Variants in KCNIP1 observed in about 807,000 individuals in gnomAD.
The protein encoded by KCNIP1 is potassium voltage-gated channel interacting protein 1, also known as A-type potassium channel modulatory protein KCNIP1.
In KCNIP1, 18 loss-of-function variants were observed where a neutral mutation model predicts 33.0. That is an observed-to-expected ratio of 0.55 (90% CI 0.38 to 0.81). The LOEUF (loss-of-function observed/expected upper bound fraction) is 0.81, where lower values mean the gene tolerates loss of function less well. Among genes scored for constraint, KCNIP1 ranks in the 30% least tolerant of loss-of-function variants. The probability of loss-of-function intolerance (pLI) is 0.00; values close to 1 mark genes in which losing one functional copy is unlikely to be tolerated. For missense variants in KCNIP1, 238 were observed against 271.6 expected (o/e 0.88, Z 0.87); for synonymous variants, 93 against 98.3 (o/e 0.95, Z 0.32).
chr5:170,433,830 A>G (rs764571837), intron 1 of KCNIP1, among the ~76,000 whole-genome samples: 11 of 152,212 alleles, frequency 7.2e-5, no homozygotes, highest in Admixed American at 3.3e-4. Context: ...GTTGAGGCTC[A>G]GAACAAGGCA....
intron 5 of KCNIP1, among the ~76,000 whole-genome samples, chr5:170,731,383 G>A (rs1331015444): frequency 2.0e-5 from 3 of 152,164 alleles, no homozygotes; most frequent in Non-Finnish European, 4.4e-5. Flanking sequence ...CATATCAAAA[G>A]TGTGAGGTCC....
chr5:170,593,433 ATT>A (rs1758335429), intron 1 of KCNIP1, among the ~76,000 whole-genome samples: 4 of 152,182 alleles, frequency 2.6e-5, no homozygotes, highest in Non-Finnish European at 5.9e-5. Flanking sequence ...AGAGGGGAGC[ATT>A]TGTAATTTAC....
intron 1 of KCNIP1, among the ~76,000 whole-genome samples, chr5:170,697,097 A>G (rs1313150045): frequency 6.6e-6 from 1 of 151,102 alleles, no homozygotes; most frequent in Non-Finnish European, 1.5e-5. Context: ...ACACACACAT[A>G]CACACACACT....
intron 1 of KCNIP1, among the ~76,000 whole-genome samples, chr5:170,379,161 T>A (rs1222697774): frequency 6.6e-6 from 1 of 152,150 alleles, no homozygotes; most frequent in African/African-American, 2.4e-5. Flanking sequence ...TTGTGTCTTG[T>A]GTGTGGATGG....
intron 1 of KCNIP1, among the ~76,000 whole-genome samples, chr5:170,444,649 A>G (rs1040148151): frequency 6.6e-6 from 1 of 151,728 alleles, no homozygotes; most frequent in Admixed American, 6.6e-5. Context: ...AATTTGTTGA[A>G]TTCTGAATAA....
At chr5:170,406,407 G>A (rs149276037) in intron 1 of KCNIP1, among the ~76,000 whole-genome samples, 1 of 152,324 alleles carries the variant, frequency 6.6e-6, no homozygotes, top group Non-Finnish European at 1.5e-5. Flanking sequence ...TCGTGTAAAT[G>A]TGGCCAAGTT....
intron 1 of KCNIP1, among the ~76,000 whole-genome samples, chr5:170,545,458 G>T (rs117970177): frequency 2.0e-5 from 3 of 151,962 alleles, no homozygotes; most frequent in African/African-American, 7.3e-5. Flanking sequence ...TCCAAATTTT[G>T]CTTCTGCCCA....
At chr5:170,563,003 G>A (rs1175869759) in intron 1 of KCNIP1, among the ~76,000 whole-genome samples, 1 of 152,152 alleles carries the variant, frequency 6.6e-6, no homozygotes, top group Non-Finnish European at 1.5e-5. Context: ...GTAGCAAGAG[G>A]CATTTCTCCT....
chr5:170,477,470 T>G (rs1352068111), intron 1 of KCNIP1, among the ~76,000 whole-genome samples: 1 of 152,164 alleles, frequency 6.6e-6, no homozygotes, highest in Non-Finnish European at 1.5e-5. Context: ...AGAGTCTCGT[T>G]CTGTAGCCCA....
intron 1 of KCNIP1, among the ~76,000 whole-genome samples, chr5:170,624,911 T>G (rs1759765354): frequency 6.6e-6 from 1 of 152,156 alleles, no homozygotes; most frequent in Non-Finnish European, 1.5e-5. Flanking sequence ...TTGGTGACTT[T>G]CTGTTGGCCA....
At chr5:170,722,971 G>C (rs112973301) in intron 5 of KCNIP1, 151 bp downstream of exon 5, 12 of 599,292 alleles carry the variant, frequency 2.0e-5, no homozygotes, top group African/African-American at 9.4e-5. Context: ...AATAAAGAAG[G>C]CCTCCCTCAT....
intron 1 of KCNIP1, among the ~76,000 whole-genome samples, chr5:170,588,506 C>T (rs923765633): frequency 9.2e-5 from 14 of 152,168 alleles, no homozygotes; most frequent in Non-Finnish European, 1.8e-4. Context: ...GTGTGTGTCA[C>T]TCACTCCTGC....
intron 1 of KCNIP1, among the ~76,000 whole-genome samples, chr5:170,437,497 C>T (rs949367528): frequency 1.5e-4 from 23 of 152,298 alleles, no homozygotes; most frequent in African/African-American, 5.3e-4. Context: ...ATTTGAGAGA[C>T]CAGAGATGAG....
At chr5:170,539,633 A>C (rs1248067443) in intron 1 of KCNIP1, among the ~76,000 whole-genome samples, 1 of 152,110 alleles carries the variant, frequency 6.6e-6, no homozygotes, top group African/African-American at 2.4e-5. Context: ...GTATCTTGTG[A>C]ACGTGCTGCT....
In KCNIP1 at chr5:170,383,867, C is replaced by T. The variant is rs768136129; in HGVS notation, c.88+29903C>T. 3.7e-6 allele frequency: 6 copies of T among 1,612,762 alleles called. No individual in the cohort carries two copies. The Admixed American group carries it at 1.0e-4, about 27-fold the overall frequency. ...GTCCACACGCTGAGGAGACCACACACATGCACACATACACATCTCAGAACT... is the reference window on the plus strand; with the variant it reads ...GTCCACACGCTGAGGAGACCACACATATGCACACATACACATCTCAGAACT... On this transcript the variant is annotated intron_variant, in intron 1 of 7. Transcript: ENST00000377360.
At chr5:170,588,262 C>T (rs1042591131) in intron 1 of KCNIP1, among the ~76,000 whole-genome samples, 1 of 152,186 alleles carries the variant, frequency 6.6e-6, no homozygotes, top group East Asian at 1.9e-4. Context: ...GATGAGGGAC[C>T]GAGGCACAGA....
intron 1 of KCNIP1, among the ~76,000 whole-genome samples, chr5:170,421,406 G>C (rs1755487852): frequency 6.6e-6 from 1 of 152,160 alleles, no homozygotes; most frequent in Non-Finnish European, 1.5e-5. Flanking sequence ...CCTTTCTTCT[G>C]TCTTGGCCCA....
intron 1 of KCNIP1, among the ~76,000 whole-genome samples, chr5:170,453,141 C>A (rs757152800): frequency 1.3e-5 from 2 of 152,214 alleles, no homozygotes; most frequent in African/African-American, 4.8e-5. Context: ...CCTCTTCACC[C>A]TCCAAATTGA....
At chr5:170,490,340 A>G (rs2113198378) in intron 1 of KCNIP1, among the ~76,000 whole-genome samples, 1 of 152,220 alleles carries the variant, frequency 6.6e-6, no homozygotes, top group Non-Finnish European at 1.5e-5. Context: ...TCCCACATTG[A>G]CGGGCTGGGG....
Sources: allele counts gnomAD v4.1 joint callset (sites outside exome capture counted in the v4.1 genomes callset), GRCh38; gene constraint gnomAD v4.1.1; transcripts MANE v1.5; gene names NCBI Gene and HGNC (gene_info 2026-07-23, HGNC 2026-07-21).